The following CNTN4 variants were observed in gnomAD, a reference collection of about 807,000 sequenced individuals.
CNTN4 encodes contactin-4.
Under a neutral mutation model 122.5 loss-of-function variants are expected in CNTN4, and 77 were observed. The ratio of observed to expected loss-of-function variants is 0.63; its 90% CI spans 0.52 to 0.76. CNTN4 has a LOEUF of 0.76. Ranked by LOEUF, CNTN4 falls within the 30% of genes least tolerant of loss-of-function variation. The pLI, the probability that CNTN4 is intolerant of heterozygous loss-of-function variation, is 0.00. For synonymous variants in CNTN4, 512 were observed against 447.0 expected, an observed-to-expected ratio of 1.15 and a Z score of -1.83; for missense variants, 1,256 against 1,259.1, an observed-to-expected ratio of 1.00 and a Z score of 0.04.
intron 14 of CNTN4, among the ~76,000 whole-genome samples, chr3:3,013,425 A>C (rs1460527815): frequency 6.6e-6 from 1 of 152,126 alleles, no homozygotes; most frequent in African/African-American, 2.4e-5. Flanking sequence ...GAAGACATCC[A>C]GCAACTATTT....
At chr3:2,252,255 G>A (rs1409226920) in intron 2 of CNTN4, among the ~76,000 whole-genome samples, 1 of 151,946 alleles carries the variant, frequency 6.6e-6, no homozygotes, top group Admixed American at 6.6e-5. Flanking sequence ...AATGTATTAA[G>A]TACAGTGGTA....
intron 2 of CNTN4, among the ~76,000 whole-genome samples, chr3:2,189,905 C>T (rs1261239354): frequency 6.6e-6 from 1 of 152,180 alleles, no homozygotes; most frequent in African/African-American, 2.4e-5. Context: ...ATCATCTGAT[C>T]TGATGACTTT....
chr3:2,918,735 A>G (rs2094395951), intron 12 of CNTN4, among the ~76,000 whole-genome samples: 1 of 152,228 alleles, frequency 6.6e-6, no homozygotes, highest in Admixed American at 6.5e-5. Flanking sequence ...ATTTAGTAGT[A>G]TAAACAGCCC....
At chr3:2,746,709 C>T (rs2089790279) in intron 6 of CNTN4, among the ~76,000 whole-genome samples, 1 of 152,178 alleles carries the variant, frequency 6.6e-6, no homozygotes, top group Non-Finnish European at 1.5e-5. Context: ...AGTTCCTAAT[C>T]TATTAATGCC....
At chr3:2,245,811 A>G (rs967556643) in intron 2 of CNTN4, among the ~76,000 whole-genome samples, 4 of 152,040 alleles carry the variant, frequency 2.6e-5, no homozygotes, top group Admixed American at 1.3e-4. Context: ...TATGTCTTCT[A>G]TGAGTAATCA....
chr3:2,918,631 G>T (rs1322501032), intron 12 of CNTN4, among the ~76,000 whole-genome samples: 3 of 152,204 alleles, frequency 2.0e-5, no homozygotes, highest in African/African-American at 7.2e-5. Flanking sequence ...AATTGGCAAG[G>T]ACTACAAACC....
intron 14 of CNTN4, among the ~76,000 whole-genome samples, chr3:3,009,496 C>A (rs367575399): frequency 2.6e-5 from 4 of 151,472 alleles, no homozygotes; most frequent in Non-Finnish European, 4.4e-5. Context: ...TGCAGTGGCG[C>A]GATCTCAGCT....
At chr3:2,392,496 CT>C (rs796245069) in intron 3 of CNTN4, among the ~76,000 whole-genome samples, 3 of 151,834 alleles carry the variant, frequency 2.0e-5, no homozygotes, top group Non-Finnish European at 2.9e-5. Flanking sequence ...CTCTCAATTT[CT>C]TTTTTTTCAT....
chr3:2,976,757 G>C (rs904957199), intron 13 of CNTN4, among the ~76,000 whole-genome samples: 2 of 151,896 alleles, frequency 1.3e-5, no homozygotes, highest in Non-Finnish European at 2.9e-5. Flanking sequence ...GAATTTCCAC[G>C]TATCTTTTGA....
intron 6 of CNTN4, among the ~76,000 whole-genome samples, chr3:2,781,766 C>T (rs967552033): frequency 9.5e-5 from 13 of 136,494 alleles, no homozygotes; most frequent in African/African-American, 2.5e-4. Context: ...GCTCTGTCGC[C>T]CAGGCTGGAG....
intron 7 of CNTN4, among the ~76,000 whole-genome samples, chr3:2,849,457 G>T (rs2093510392): frequency 6.6e-6 from 1 of 152,150 alleles, no homozygotes; most frequent in Non-Finnish European, 1.5e-5. Flanking sequence ...AGAAGAAGGG[G>T]AAAACCTTAG....
intron 2 of CNTN4, among the ~76,000 whole-genome samples, chr3:2,147,908 T>C (rs1478995387): frequency 6.6e-6 from 1 of 152,218 alleles, no homozygotes. Flanking sequence ...GGTCCATCTG[T>C]CCTCATTAAA....
chr3:2,836,537 T>C, intron 7 of CNTN4, among the ~76,000 whole-genome samples: 1 of 152,086 alleles, frequency 6.6e-6, no homozygotes. Flanking sequence ...GTATTCCCAT[T>C]TTATGGATGA....
At chr3:2,522,913 T>G (rs1281547794) in intron 3 of CNTN4, among the ~76,000 whole-genome samples, 1 of 152,142 alleles carries the variant, frequency 6.6e-6, no homozygotes, top group Non-Finnish European at 1.5e-5. Flanking sequence ...AGTACTAGAT[T>G]GATAGCTCTG....
chr3:2,444,305 G>T (rs1231859387), intron 3 of CNTN4, among the ~76,000 whole-genome samples: 1 of 151,844 alleles, frequency 6.6e-6, no homozygotes, highest in Non-Finnish European at 1.5e-5. Context: ...TAGAAATAGA[G>T]AATCACCTAG....
chr3:2,609,663 G>C (rs1012254804), intron 4 of CNTN4, among the ~76,000 whole-genome samples: 2 of 152,046 alleles, frequency 1.3e-5, no homozygotes, highest in Non-Finnish European at 2.9e-5. Context: ...TCCTCTCTTT[G>C]AACTTCTATA....
intron 6 of CNTN4, among the ~76,000 whole-genome samples, chr3:2,802,365 T>G (rs1435540815): frequency 6.6e-6 from 1 of 152,216 alleles, no homozygotes; most frequent in Non-Finnish European, 1.5e-5. Flanking sequence ...TACAAACAAG[T>G]GAGCTTTTTG....
intron 2 of CNTN4, among the ~76,000 whole-genome samples, chr3:2,253,737 A>G (rs550936379): frequency 1.3e-5 from 2 of 151,496 alleles, no homozygotes; most frequent in East Asian, 3.9e-4. Flanking sequence ...AACCTCCTGG[A>G]CTCGATCTAT....
At chr3:2,413,317 C>G (rs183055471) in intron 3 of CNTN4, among the ~76,000 whole-genome samples, 58 of 152,310 alleles carry the variant, frequency 3.8e-4, no homozygotes, top group African/African-American at 1.4e-3. Flanking sequence ...TTCTCAATCA[C>G]TTATTTTCAG....
Sources: allele counts gnomAD v4.1 joint callset (sites outside exome capture counted in the v4.1 genomes callset), GRCh38; gene constraint gnomAD v4.1.1; transcripts MANE v1.5; gene names NCBI Gene and HGNC (gene_info 2026-07-23, HGNC 2026-07-21).